CARF: variants seen among roughly 807,000 people sequenced by gnomAD.
CARF encodes the protein calcium responsive transcription factor.
A neutral mutation model predicts 82.0 loss-of-function variants in CARF; 57 were observed. The ratio of observed to expected loss-of-function variants is 0.70; its 90% CI spans 0.56 to 0.87. The LOEUF (loss-of-function observed/expected upper bound fraction) is 0.87, where lower values mean the gene tolerates loss of function less well. Ranked by LOEUF, CARF falls within the 40% of genes least tolerant of loss-of-function variation. CARF has a pLI of 0.00. For synonymous variants in CARF, 268 were observed against 290.1 expected, an observed-to-expected ratio of 0.92 and a Z score of 0.77; for missense variants, 771 against 855.8, an observed-to-expected ratio of 0.90 and a Z score of 1.24.
chr2:202,950,994 CT>C (rs778448056), intron 5 of CARF, among the ~76,000 whole-genome samples: 5 of 151,986 alleles, frequency 3.3e-5, no homozygotes, highest in Non-Finnish European at 5.9e-5. Flanking sequence ...AGTTTTTCCC[CT>C]AACATTAAAT....
chr2:202,939,696 T>C (rs972257432), intron 3 of CARF, among the ~76,000 whole-genome samples: 1 of 146,150 alleles, frequency 6.8e-6, no homozygotes, highest in Non-Finnish European at 1.5e-5. Context: ...TTTTTTTTTT[T>C]TTTTTTTTTT....
chr2:202,952,647 A>G lies in CARF; in HGVS notation c.395A>G (p.Gln132Arg), dbSNP rs899016056. 3.1e-6 allele frequency: 5 copies of G among 1,613,798 alleles called. No individual in the cohort carries two copies. The Admixed American group carries it at 6.7e-5, about 22-fold the overall frequency. The part of the protein sequence containing the change: ...QTGMAQVIIP[Q>R]GQLVDVNSPR... ...GGAATGGCACAAGTGATTATACCTC[A>G]GGGGCAACTTGTGGATGTGAATAGT... The change falls in exon 6 of 17, where the codon CAG becomes CGG. Residue 132 changes from glutamine (Q) to arginine (R), a missense_variant. By Grantham distance (43) the Gln-to-Arg change is conservative. Transcript: ENST00000438828.
intron 7 of CARF, among the ~76,000 whole-genome samples, chr2:202,955,201 TTA>T (rs1368895065): frequency 6.6e-6 from 1 of 152,174 alleles, no homozygotes; most frequent in Non-Finnish European, 1.5e-5. Flanking sequence ...TATGTATTGT[TTA>T]TGTTATTTTA....
rs75249727 is a variant in CARF at position 202,982,142 on chromosome 2, C to T, written c.1760C>T (p.Pro587Leu). ...GCTGTGGTATCAGTAAATAACCAGCCGTCCTCTAGTCCTTCAGGACTTCTG... is the reference window on the plus strand; with the variant it reads ...GCTGTGGTATCAGTAAATAACCAGCTGTCCTCTAGTCCTTCAGGACTTCTG... ...SPAVVSVNNQ[P>L]SSSPSGLLDT... Residue 587 changes from proline to leucine, a missense_variant, in exon 16 of 17, where the codon CCG becomes CTG. By Grantham distance (98) the Pro-to-Leu change is moderately conservative. Coordinates refer to ENST00000438828, the MANE Select transcript of CARF (RefSeq NM_024744.17). The T allele has an allele frequency of 1.4e-3, 2,190 of 1,614,048 alleles. 55 individuals are homozygous for T. In the East Asian group the frequency reaches 0.041, roughly 30 times the overall value.
chr2:202,984,558 A>C lies in CARF; in HGVS notation c.*934A>C, dbSNP rs926018934. 1 of 152,176 alleles carries C rather than the reference A, an allele frequency of 6.6e-6. No homozygotes were observed. Among genetic ancestry groups the C allele is most frequent in the Non-Finnish European group, 1.5e-5 (1 of 68,018 alleles). The allele number at this position is 152,176 out of a possible 1,614,324, so 9.4% of individuals were successfully genotyped here. A position where few individuals can be genotyped will look rare whatever the true frequency, so the allele number is the denominator to read the frequency against. The stretch of plus-strand genomic sequence containing the variant: ...TTAAAAAATAATTTGATTTGTAGTT[A>C]CATTTTTCTATGCCAGAGCTCTTAC... On this transcript the variant is annotated 3_prime_UTR_variant, in exon 17 of 17. Coordinates refer to ENST00000438828, the MANE Select transcript of CARF (RefSeq NM_024744.17).
chr2:202,914,217 T>G (rs1037627002), intron 1 of CARF, among the ~76,000 whole-genome samples: 5 of 152,326 alleles, frequency 3.3e-5, no homozygotes, highest in African/African-American at 1.2e-4. Flanking sequence ...GGAGACACAT[T>G]GTTATCTGGA....
chr2:202,936,295 T>C (rs2105781243), intron 3 of CARF, among the ~76,000 whole-genome samples: 1 of 152,262 alleles, frequency 6.6e-6, no homozygotes, highest in South Asian at 2.1e-4. Context: ...TGAGGTGAAA[T>C]TCATATAACT....
At chr2:202,915,968 G>A (rs1230334146) in intron 1 of CARF, among the ~76,000 whole-genome samples, 6 of 151,902 alleles carry the variant, frequency 3.9e-5, no homozygotes, top group African/African-American at 9.7e-5. Context: ...TTAAAAGTTC[G>A]ATGTTTAACA....
At chr2:202,953,950 C>T (rs1012549560) in intron 6 of CARF, 55 bp from the exon 7 acceptor site, 1 of 1,500,956 alleles carries the variant, frequency 6.7e-7, no homozygotes, top group Non-Finnish European at 8.9e-7. Flanking sequence ...TAGGTATATT[C>T]TTATGGTCTT....
At chr2:202,956,825 G>A (rs942180785) in intron 8 of CARF, among the ~76,000 whole-genome samples, 5 of 152,020 alleles carry the variant, frequency 3.3e-5, no homozygotes, top group Non-Finnish European at 7.4e-5. Context: ...GTCTCGCTCT[G>A]TCACGCAGGC....
chr2:202,959,578 G>A (rs2059210447), intron 8 of CARF, among the ~76,000 whole-genome samples: 1 of 152,172 alleles, frequency 6.6e-6, no homozygotes. Context: ...CATCACTTTG[G>A]GAGGCTGAGG....
rs191991898 is a variant in CARF, at chr2:202,980,617, T to G, written c.1559-938T>G. 1.4e-3 allele frequency among the ~76,000 whole-genome samples: 42 copies of G among 30,624 alleles called. 1 individual carries two copies. The East Asian group carries it at 0.014, about 11-fold the overall frequency. The allele number at this position is 30,624 out of a possible 152,430, so 20.1% of individuals were successfully genotyped here. A position where few individuals can be genotyped will look rare whatever the true frequency, so the allele number is the denominator to read the frequency against. On this transcript the variant is annotated intron_variant, in intron 14 of 16. Transcript: ENST00000438828. ...AGTTACAGATATAGCGTCTTTCAAGTATATATATATATATATATATATATA... is the reference window on the plus strand; with the variant it reads ...AGTTACAGATATAGCGTCTTTCAAGGATATATATATATATATATATATATA...
intron 1 of CARF, among the ~76,000 whole-genome samples, chr2:202,913,690 C>A (rs970173711): frequency 6.6e-5 from 10 of 152,204 alleles, no homozygotes; most frequent in Non-Finnish European, 1.2e-4. Context: ...GAAACACTTT[C>A]TTAATGAAAT....
intron 10 of CARF, among the ~76,000 whole-genome samples, chr2:202,968,169 C>T (rs1003025541): frequency 4.6e-5 from 7 of 151,970 alleles, no homozygotes; most frequent in African/African-American, 1.7e-4. Flanking sequence ...TTTGGGAGGC[C>T]GAGGTGGGCG....
chr2:202,981,767 A>T (rs1426224780), intron 15 of CARF, 82 bp downstream of exon 15: 2 of 1,235,674 alleles, frequency 1.6e-6, no homozygotes, highest in East Asian at 4.7e-5. Context: ...GGGATTTTAG[A>T]GAATTGTTAC....
intron 10 of CARF, 67 bp from the exon 11 acceptor site, chr2:202,969,852 G>T: frequency 9.5e-7 from 1 of 1,056,350 alleles, no homozygotes; most frequent in Non-Finnish European, 1.3e-6. Flanking sequence ...TAGACTTCTG[G>T]TTGATAAGAT....
intron 4 of CARF, chr2:202,942,490 A>T: frequency 1.4e-6 from 1 of 726,146 alleles, no homozygotes; most frequent in Non-Finnish European, 1.7e-6. Flanking sequence ...TACAGAGAAA[A>T]ATCTATAGGT....
At position 202,925,159 on chromosome 2, in the gene CARF, G is replaced by A. The variant is rs564978156; in HGVS notation, c.-44+744G>A. ...TGGCAACATGGAGAGACCAGTGGAGGACTATCAAAAGTGTGAAGTTTAAAT... is the reference window on the plus strand; with the variant it reads ...TGGCAACATGGAGAGACCAGTGGAGAACTATCAAAAGTGTGAAGTTTAAAT... On this transcript the variant is annotated intron_variant, in intron 3 of 16. Coordinates refer to ENST00000438828, the MANE Select transcript of CARF (RefSeq NM_024744.17). 7 of 327,534 alleles carry A rather than the reference G, an allele frequency of 2.1e-5. No individual in the cohort carries two copies. The Admixed American group carries it at 2.5e-4, about 12-fold the overall frequency. The allele number at this position is 327,534 out of a possible 1,614,324, so 20.3% of individuals were successfully genotyped here.
At chr2:202,977,971 G>A (rs1236837805) in intron 14 of CARF, among the ~76,000 whole-genome samples, 1 of 151,882 alleles carries the variant, frequency 6.6e-6, no homozygotes, top group Non-Finnish European at 1.5e-5. Flanking sequence ...TCAGCCTCCC[G>A]AGTAGCTGGG....
Sources: gnomAD v4.1 joint callset for allele counts (sites outside exome capture counted in the v4.1 genomes callset) on GRCh38, gnomAD v4.1.1 for gene constraint, MANE v1.5 for transcripts, NCBI Gene and HGNC (gene_info 2026-07-23, HGNC 2026-07-21) for gene names.